The following CDH13 variants were observed in gnomAD, a reference collection of about 807,000 sequenced individuals.
CDH13 encodes cadherin 13, also known as cadherin-13.
CDH13 carries 24 observed loss-of-function variants against 63.8 expected under a neutral mutation model. The observed-to-expected ratio is 0.38, with a 90% CI of 0.27 to 0.53. The LOEUF (loss-of-function observed/expected upper bound fraction) is 0.53. Among genes scored for constraint, CDH13 ranks in the 20% least tolerant of loss-of-function variants. The pLI is 0.85. For synonymous variants in CDH13, 503 were observed against 355.3 expected (o/e 1.42, Z -4.67); for missense variants, 1,049 against 903.1 (o/e 1.16, Z -2.07).
intron 1 of CDH13, among the ~76,000 whole-genome samples, chr16:82,738,313 T>C (rs1458584863): frequency 7.9e-5 from 12 of 152,230 alleles, no homozygotes; most frequent in Non-Finnish European, 1.3e-4. Context: ...CTTACCTGGC[T>C]TTACCGTGCA....
intron 1 of CDH13, among the ~76,000 whole-genome samples, chr16:82,642,046 C>G (rs1412694858): frequency 6.6e-6 from 1 of 150,444 alleles, no homozygotes; most frequent in East Asian, 1.9e-4. Flanking sequence ...TTATGACACC[C>G]CTATGCGGTT....
At chr16:83,239,926 G>T (rs558887334) in intron 5 of CDH13, among the ~76,000 whole-genome samples, 1 of 152,134 alleles carries the variant, frequency 6.6e-6, no homozygotes, top group African/African-American at 2.4e-5. Flanking sequence ...GATCAGAGAT[G>T]GCCTTTCTGA....
At chr16:83,291,180 A>G (rs1293955665) in intron 5 of CDH13, among the ~76,000 whole-genome samples, 1 of 152,206 alleles carries the variant, frequency 6.6e-6, no homozygotes, top group Non-Finnish European at 1.5e-5. Flanking sequence ...CAATTAATGA[A>G]TGGAAGAATT....
At chr16:83,255,536 A>T (rs530542396) in intron 5 of CDH13, among the ~76,000 whole-genome samples, 4 of 152,188 alleles carry the variant, frequency 2.6e-5, no homozygotes, top group Non-Finnish European at 5.9e-5. Context: ...CGTGTCCCGC[A>T]GACTTGATTA....
chr16:83,564,578 T>G (rs979979295), intron 7 of CDH13, among the ~76,000 whole-genome samples: 1 of 152,052 alleles, frequency 6.6e-6, no homozygotes, highest in Non-Finnish European at 1.5e-5. Context: ...CCAGCTAATT[T>G]TTCTATTTTT....
chr16:83,066,261 T>C (rs1213343668), intron 3 of CDH13, among the ~76,000 whole-genome samples: 2 of 152,202 alleles, frequency 1.3e-5, no homozygotes, highest in Non-Finnish European at 2.9e-5. Flanking sequence ...GTTTCTCAAT[T>C]TGCATGAGAT....
chr16:82,806,237 A>G (rs568108768), intron 1 of CDH13, among the ~76,000 whole-genome samples: 1 of 152,276 alleles, frequency 6.6e-6, no homozygotes, highest in Admixed American at 6.5e-5. Flanking sequence ...TTGTCCCTTC[A>G]TAATAAACCA....
At chr16:82,927,226 C>G (rs543581345) in intron 2 of CDH13, among the ~76,000 whole-genome samples, 1 of 152,260 alleles carries the variant, frequency 6.6e-6, no homozygotes, top group African/African-American at 2.4e-5. Flanking sequence ...TGAGGCTTGA[C>G]TTTACCATAT....
rs142356889 is a variant in CDH13, at chr16:82,967,776, T to G, written c.158-64234T>G. Among the ~76,000 whole-genome samples, 73 of 152,364 alleles carry G rather than the reference T, an allele frequency of 4.8e-4. 1 individual carries two copies. In the East Asian group the frequency reaches 0.013, roughly 27 times the overall value. On this transcript the variant is annotated intron_variant, in intron 2 of 13. Coordinates refer to ENST00000567109, the MANE Select transcript of CDH13 (RefSeq NM_001257.5). The stretch of plus-strand genomic sequence containing the variant: ...TATCAGGCAGCATGTAGCAGGCTTT[T>G]GTGTCCTTACTGGTGACATTAACTT...
At position 83,388,830 on chromosome 16, in the gene CDH13, A is replaced by C. The variant is rs139250154; in HGVS notation, c.781+43824A>C. ...AGCCTCACCTGGGTGCTTCTTAGAA[A>C]TTCAGAATCTAAAGCTCAGCCCAGA... is the stretch of plus-strand genomic sequence containing the variant. On this transcript the variant is annotated intron_variant, in intron 6 of 13. Coordinates refer to ENST00000567109, the MANE Select transcript of CDH13 (RefSeq NM_001257.5). 5.0e-3 allele frequency among the ~76,000 whole-genome samples: 759 copies of C among 152,314 alleles called. 4 individuals are homozygous for C. The highest frequency in any genetic ancestry group is 0.024 in the Middle Eastern group (7 of 294).
At chr16:82,821,661 C>G (rs1048750559) in intron 1 of CDH13, among the ~76,000 whole-genome samples, 20 of 152,236 alleles carry the variant, frequency 1.3e-4, no homozygotes, top group African/African-American at 4.8e-4. Context: ...AAACATGAAT[C>G]AATGACTTGA....
At chr16:83,058,598 G>T (rs905289955) in intron 3 of CDH13, among the ~76,000 whole-genome samples, 2 of 152,190 alleles carry the variant, frequency 1.3e-5, no homozygotes, top group Non-Finnish European at 2.9e-5. Context: ...CCACTCCTGA[G>T]CTCCCCTGAC....
At chr16:83,312,184 C>T (rs1383713018) in intron 5 of CDH13, among the ~76,000 whole-genome samples, 6 of 152,072 alleles carry the variant, frequency 3.9e-5, no homozygotes, top group African/African-American at 7.2e-5. Context: ...CTCCTTCTCT[C>T]CCTGGTCTGC....
intron 8 of CDH13, among the ~76,000 whole-genome samples, chr16:83,614,374 G>A (rs575253365): frequency 3.3e-5 from 5 of 152,156 alleles, no homozygotes; most frequent in East Asian, 3.9e-4. Context: ...CACTTTGGCC[G>A]ACCTTGCATT....
intron 5 of CDH13, among the ~76,000 whole-genome samples, chr16:83,311,084 C>T (rs1451580247): frequency 6.6e-6 from 1 of 152,232 alleles, no homozygotes; most frequent in Non-Finnish European, 1.5e-5. Flanking sequence ...TGCTCTCCTG[C>T]TCCTCTGACG....
intron 5 of CDH13, among the ~76,000 whole-genome samples, chr16:83,260,837 TTAAAA>T (rs1906898873): frequency 6.6e-6 from 1 of 152,122 alleles, no homozygotes; most frequent in Non-Finnish European, 1.5e-5. Flanking sequence ...TTGGATGAAG[TTAAAA>T]GTCAGCAAAG....
chr16:83,077,478 C>T (rs1307500149), intron 3 of CDH13, among the ~76,000 whole-genome samples: 7 of 151,948 alleles, frequency 4.6e-5, no homozygotes, highest in African/African-American at 1.7e-4. Flanking sequence ...CAGGTGTGAG[C>T]CATCACACCT....
chr16:82,627,627 G>T (rs1412946428), intron 1 of CDH13, among the ~76,000 whole-genome samples: 2 of 152,242 alleles, frequency 1.3e-5, no homozygotes, highest in African/African-American at 2.4e-5. Flanking sequence ...AGGCACCACC[G>T]ACTTCCCAGG....
chr16:83,085,002 G>A (rs2033489467), intron 3 of CDH13, among the ~76,000 whole-genome samples: 2 of 152,176 alleles, frequency 1.3e-5, no homozygotes, highest in Admixed American at 1.3e-4. Context: ...AGAAATTCAG[G>A]CTATTCCTCT....
Sources: allele counts gnomAD v4.1 joint callset (sites outside exome capture counted in the v4.1 genomes callset), GRCh38; gene constraint gnomAD v4.1.1; transcripts MANE v1.5; gene names NCBI Gene and HGNC (gene_info 2026-07-23, HGNC 2026-07-21).